Variants in TENM1 observed in about 807,000 individuals in gnomAD.
TENM1 encodes the protein teneurin transmembrane protein 1, also known as teneurin-1.
TENM1 carries 35 observed loss-of-function variants against 174.8 expected under a neutral mutation model. That is an observed-to-expected ratio of 0.20 (90% CI 0.15 to 0.27). TENM1 has a LOEUF of 0.27. Ranked by LOEUF, TENM1 falls within the 10% of genes least tolerant of loss-of-function variation. The pLI is 1.00. For missense variants in TENM1, 1,633 were observed against 2,130.1 expected, an observed-to-expected ratio of 0.77 and a Z score of 4.59; for synonymous variants, 781 against 798.7, an observed-to-expected ratio of 0.98 and a Z score of 0.37.
the TENM1 span, among the ~76,000 whole-genome samples, chrX:125,029,467 C>A: frequency 1.8e-5 from 2 of 111,478 alleles, no homozygotes; most frequent in Non-Finnish European, 3.8e-5. Flanking sequence ...GGCCATTTTA[C>A]AGGCGGGAAA....
intron 3 of TENM1, among the ~76,000 whole-genome samples, chrX:124,839,547 T>A (rs1181231281): frequency 1.8e-5 from 2 of 111,369 alleles, no homozygotes; most frequent in Non-Finnish European, 3.8e-5. Flanking sequence ...TAGAAAAGAC[T>A]AGGGAAAGAA....
intron 3 of TENM1, among the ~76,000 whole-genome samples, chrX:124,873,649 C>T (rs775632411): frequency 1.1e-4 from 12 of 110,993 alleles, no homozygotes; most frequent in Admixed American, 9.6e-4. Flanking sequence ...CAAGAAAATC[C>T]ACTACTATCG....
At chrX:124,994,833 T>C in the TENM1 span, among the ~76,000 whole-genome samples, 1 of 111,630 alleles carries the variant, frequency 9.0e-6, no homozygotes, top group Admixed American at 9.5e-5. Flanking sequence ...TTGCTTTTCA[T>C]ACTGTAGTCA....
At chrX:124,909,512 C>G (rs961576931) in intron 1 of TENM1, among the ~76,000 whole-genome samples, 3 of 111,947 alleles carry the variant, frequency 2.7e-5, no homozygotes, top group Non-Finnish European at 5.6e-5. Context: ...AAAAATAGAC[C>G]CTTAAACTAT....
chrX:124,680,668 T>C (rs972160697), intron 5 of TENM1, among the ~76,000 whole-genome samples: 1 of 111,857 alleles, frequency 8.9e-6, no homozygotes, highest in Non-Finnish European at 1.9e-5. Context: ...ATGGGATAAA[T>C]TTAAAAAACA....
intron 22 of TENM1, among the ~76,000 whole-genome samples, chrX:124,479,942 A>G (rs1241695951): frequency 1.8e-5 from 2 of 111,864 alleles, no homozygotes; most frequent in Non-Finnish European, 3.8e-5. Flanking sequence ...TGGCACAGAG[A>G]AATAAAGAAA....
rs113226513 is a variant in TENM1, at chrX:124,466,032, T to G, written c.3950-12541A>C. On this transcript the variant is annotated intron_variant, in intron 22 of 31. Coordinates refer to ENST00000422452, the Ensembl canonical transcript of TENM1. ...AAACCAGTGGGAATCTTATGAATAG[T>G]AAGGTGGGGCCATTGACACTAGTGT... Among the ~76,000 whole-genome samples the G allele has an allele frequency of 6.9e-4, 77 of 111,657 alleles. 1 individual carries two copies. The highest frequency in any genetic ancestry group is 2.4e-3 in the African/African-American group (75 of 30,769).
At chrX:125,160,849 A>G in the TENM1 span, among the ~76,000 whole-genome samples, 3,174 of 109,918 alleles carry the variant, frequency 0.029, 53 homozygotes, top group Non-Finnish European at 0.048. Context: ...GGGAATGCAA[A>G]ATTGTTCAAT....
intron 5 of TENM1, among the ~76,000 whole-genome samples, chrX:124,681,907 C>T: frequency 8.9e-6 from 1 of 111,755 alleles, no homozygotes; most frequent in Middle Eastern, 4.6e-3. Flanking sequence ...ACAAAACCAT[C>T]CTGGAAGTGG....
chrX:124,852,055 GACA>G (rs2147401165), intron 3 of TENM1, among the ~76,000 whole-genome samples: 1 of 111,418 alleles, frequency 9.0e-6, no homozygotes, highest in East Asian at 2.8e-4. Flanking sequence ...GAAAGAAATT[GACA>G]TTCTGGGTAA....
At chrX:125,147,267 T>G in the TENM1 span, among the ~76,000 whole-genome samples, 1 of 109,762 alleles carries the variant, frequency 9.1e-6, no homozygotes, top group Admixed American at 9.7e-5. Context: ...ATCTTATATA[T>G]CTACATAAGT....
the TENM1 span, among the ~76,000 whole-genome samples, chrX:125,011,566 A>G: frequency 0.01 from 1,155 of 112,202 alleles, 14 homozygotes; most frequent in African/African-American, 0.034. Context: ...TTATGTTGCC[A>G]ACAACAGACA....
the TENM1 span, among the ~76,000 whole-genome samples, chrX:125,187,438 A>G: frequency 2.7e-5 from 3 of 111,834 alleles, no homozygotes; most frequent in African/African-American, 9.8e-5. Flanking sequence ...AGGTATGTAT[A>G]AGAATTTTTC....
chrX:124,528,127 T>C (rs777328727), intron 16 of TENM1, among the ~76,000 whole-genome samples: 4 of 109,470 alleles, frequency 3.7e-5, no homozygotes, highest in Non-Finnish European at 7.6e-5. Context: ...ATTTTGAATG[T>C]TTACACCTTT....
chrX:125,067,854 A>G, the TENM1 span, among the ~76,000 whole-genome samples: 1 of 111,802 alleles, frequency 8.9e-6, no homozygotes, highest in South Asian at 3.7e-4. Flanking sequence ...TCTTTTTTTG[A>G]GAGAATAAAA....
exon 32 of TENM1, chrX:124,380,452 C>A (rs1569528192): frequency 1.1e-6 from 1 of 952,173 alleles, no homozygotes; most frequent in Non-Finnish European, 1.4e-6. Context: ...ATACAGAGTT[C>A]TGATCTAGAA....
chrX:124,594,638 G>C (rs141228411), intron 11 of TENM1, among the ~76,000 whole-genome samples: 1 of 111,683 alleles, frequency 9.0e-6, no homozygotes, highest in East Asian at 2.8e-4. Flanking sequence ...TTTCTTTCAC[G>C]ATAGTAACCA....
the TENM1 span, among the ~76,000 whole-genome samples, chrX:125,171,209 A>G: frequency 9.1e-6 from 1 of 110,414 alleles, no homozygotes; most frequent in African/African-American, 3.3e-5. Flanking sequence ...TTTTTAACAT[A>G]TAATGTGTGC....
intron 4 of TENM1, among the ~76,000 whole-genome samples, chrX:124,723,746 G>A (rs774890761): frequency 9.1e-6 from 1 of 109,489 alleles, no homozygotes; most frequent in African/African-American, 3.3e-5. Flanking sequence ...GAATACAGGC[G>A]TGTGCCACCA....
Sources: gnomAD v4.1 joint callset for allele counts (sites outside exome capture counted in the v4.1 genomes callset) on GRCh38, gnomAD v4.1.1 for gene constraint, MANE v1.5 for transcripts, NCBI Gene and HGNC (gene_info 2026-07-23, HGNC 2026-07-21) for gene names.